Variants in CCDC178 observed in about 807,000 individuals in gnomAD.
CCDC178 encodes the protein coiled-coil domain-containing protein 178.
A neutral mutation model predicts 117.4 loss-of-function variants in CCDC178; 126 were observed. That is an observed-to-expected ratio of 1.07 (90% CI 0.93 to 1.24). CCDC178 has a LOEUF of 1.24. CCDC178 is among the 50% of genes most tolerant of loss of function. The pLI, the probability that CCDC178 is intolerant of heterozygous loss-of-function variation, is 0.00. For missense variants in CCDC178, 1,030 were observed against 986.9 expected, an observed-to-expected ratio of 1.04 and a Z score of -0.59; for synonymous variants, 283 against 313.4, an observed-to-expected ratio of 0.90 and a Z score of 1.02.
intron 12 of CCDC178, among the ~76,000 whole-genome samples, chr18:33,269,463 C>G (rs113869110): frequency 1.3e-5 from 2 of 151,734 alleles, no homozygotes; most frequent in Non-Finnish European, 2.9e-5. Flanking sequence ...GATCTTGAGG[C>G]TCTATGAAAG....
chr18:33,413,778 G>A (rs1226828928), intron 2 of CCDC178, among the ~76,000 whole-genome samples: 2 of 152,140 alleles, frequency 1.3e-5, no homozygotes. Flanking sequence ...TTTGGAAACA[G>A]AAGATGGAAT....
At chr18:33,044,884 T>C (rs1365946548) in intron 21 of CCDC178, among the ~76,000 whole-genome samples, 1 of 152,090 alleles carries the variant, frequency 6.6e-6, no homozygotes. Flanking sequence ...TGGATGGAAA[T>C]GGAGGCCATT....
intron 22 of CCDC178, among the ~76,000 whole-genome samples, chr18:32,961,165 T>C (rs1257282200): frequency 2.0e-5 from 3 of 152,166 alleles, no homozygotes; most frequent in African/African-American, 4.8e-5. Context: ...TCTGTCTTTA[T>C]GTTCTATTAA....
At chr18:33,379,074 T>A (rs2063400232) in intron 5 of CCDC178, among the ~76,000 whole-genome samples, 1 of 144,540 alleles carries the variant, frequency 6.9e-6, no homozygotes, top group South Asian at 2.1e-4. Context: ...GCAGGTAGGA[T>A]TTTTTCTTTT....
At chr18:33,133,699 C>T (rs1318426402) in intron 20 of CCDC178, among the ~76,000 whole-genome samples, 1 of 151,940 alleles carries the variant, frequency 6.6e-6, no homozygotes, top group African/African-American at 2.4e-5. Flanking sequence ...CAAGAAGCCA[C>T]ATTTCACAGG....
chr18:33,247,644 T>A (rs2059566975), intron 14 of CCDC178, among the ~76,000 whole-genome samples: 1 of 151,924 alleles, frequency 6.6e-6, no homozygotes, highest in South Asian at 2.1e-4. Flanking sequence ...TGTATACTTT[T>A]GAGTCTATGG....
chr18:33,312,247 A>G (rs964340679), intron 11 of CCDC178, among the ~76,000 whole-genome samples: 3 of 152,070 alleles, frequency 2.0e-5, no homozygotes, highest in Non-Finnish European at 2.9e-5. Flanking sequence ...TCTGCCTTCC[A>G]CTGGATACAG....
intron 15 of CCDC178, among the ~76,000 whole-genome samples, chr18:33,230,344 G>A (rs2059355388): frequency 6.6e-6 from 1 of 151,974 alleles, no homozygotes; most frequent in African/African-American, 2.4e-5. Flanking sequence ...CGAGGTCTAA[G>A]GTCATGGAAT....
At chr18:33,046,976 A>T (rs1451893865) in intron 21 of CCDC178, among the ~76,000 whole-genome samples, 3 of 152,186 alleles carry the variant, frequency 2.0e-5, no homozygotes, top group Non-Finnish European at 4.4e-5. Context: ...CTCAGCTTTG[A>T]CATTTATTAT....
chr18:32,994,089 A>G (rs2144750247), intron 21 of CCDC178, among the ~76,000 whole-genome samples: 1 of 152,140 alleles, frequency 6.6e-6, no homozygotes, highest in South Asian at 2.1e-4. Flanking sequence ...TATTATCTCT[A>G]AAAAAGCCTG....
At chr18:33,171,693 G>C (rs1158035259) in intron 20 of CCDC178, among the ~76,000 whole-genome samples, 1 of 152,180 alleles carries the variant, frequency 6.6e-6, no homozygotes, top group African/African-American at 2.4e-5. Context: ...TTGACATGCT[G>C]TTGGAGCAAA....
intron 1 of CCDC178, 22 bp from the exon 2 acceptor site, chr18:33,440,103 A>G (rs1389582339): frequency 6.6e-6 from 1 of 152,204 alleles, no homozygotes; most frequent in Non-Finnish European, 1.5e-5. Flanking sequence ...AAATATCAAG[A>G]AAAGAAATCA....
chr18:33,298,589 C>A (rs995683583), intron 11 of CCDC178, among the ~76,000 whole-genome samples: 1 of 152,124 alleles, frequency 6.6e-6, no homozygotes, highest in South Asian at 2.1e-4. Context: ...GACGTCCAGT[C>A]TCAGCACTCT....
chr18:33,149,284 C>T, intron 20 of CCDC178, among the ~76,000 whole-genome samples: 1 of 152,228 alleles, frequency 6.6e-6, no homozygotes, highest in East Asian at 1.9e-4. Context: ...TAAATACTAA[C>T]TGACTTGGAA....
chr18:33,323,292 G>T, intron 11 of CCDC178, 199 bp downstream of exon 11: 1 of 317,936 alleles, frequency 3.1e-6, no homozygotes, highest in Non-Finnish European at 5.5e-6. Flanking sequence ...GTACTTTAGG[G>T]ATTTATGCAC....
At chr18:33,207,171 C>G (rs768758909) in intron 20 of CCDC178, among the ~76,000 whole-genome samples, 28 of 152,058 alleles carry the variant, frequency 1.8e-4, no homozygotes, top group Non-Finnish European at 1.9e-4. Flanking sequence ...CTTTAAGGAA[C>G]TGAAATGCCC....
chr18:33,071,513 C>T (rs568093591), intron 21 of CCDC178, among the ~76,000 whole-genome samples: 38 of 152,062 alleles, frequency 2.5e-4, no homozygotes, highest in Middle Eastern at 3.4e-3. Context: ...AATACCAACA[C>T]GGTTTTCTGA....
chr18:33,364,685 G>GTCC (rs925198380), intron 6 of CCDC178, among the ~76,000 whole-genome samples: 3 of 149,628 alleles, frequency 2.0e-5, no homozygotes, highest in Non-Finnish European at 3.0e-5. Context: ...GTTCAGGGAT[G>GTCC]TCCATAGGTG....
intron 3 of CCDC178, among the ~76,000 whole-genome samples, chr18:33,401,942 G>A (rs550417339): frequency 3.3e-5 from 5 of 152,184 alleles, no homozygotes; most frequent in African/African-American, 9.6e-5. Flanking sequence ...TAGAGCAATT[G>A]TGGTCATTTT....
Sources: allele counts gnomAD v4.1 joint callset (sites outside exome capture counted in the v4.1 genomes callset), GRCh38; gene constraint gnomAD v4.1.1; transcripts MANE v1.5; gene names NCBI Gene and HGNC (gene_info 2026-07-23, HGNC 2026-07-21).